The following IQCB1 variants were observed in gnomAD, a reference collection of about 807,000 sequenced individuals.
IQCB1 encodes IQ calmodulin-binding motif-containing protein 1.
Under a neutral mutation model 84.4 loss-of-function variants are expected in IQCB1, and 56 were observed. The ratio of observed to expected loss-of-function variants is 0.66; its 90% CI spans 0.54 to 0.83. The LOEUF (loss-of-function observed/expected upper bound fraction) is 0.83. IQCB1 is among the 40% of genes least tolerant of loss of function. IQCB1 has a pLI of 0.00. For missense variants in IQCB1, 629 were observed against 682.1 expected, an observed-to-expected ratio of 0.92 and a Z score of 0.87; for synonymous variants, 210 against 234.8, an observed-to-expected ratio of 0.89 and a Z score of 0.96.
chr3:121,788,193 C>T, intron 12 of IQCB1, 91 bp downstream of exon 12: 1 of 1,281,906 alleles, frequency 7.8e-7, no homozygotes, highest in South Asian at 1.2e-5. Context: ...GTGTCTTGAC[C>T]AAGGCTTTAC....
chr3:121,788,285 GCTCTTTGAAGTGTGACAGCTGCTTTA>G lies in IQCB1; in HGVS notation c.1251_1276del (p.Lys418SerfsTer3), dbSNP rs1302765001. 1 of 1,613,672 alleles carries G rather than the reference GCTCTTTGAAGTGTGACAGCTGCTTTA, an allele frequency of 6.2e-7. No individual in the cohort carries two copies. The highest frequency in any genetic ancestry group is 8.5e-7 in the Non-Finnish European group (1 of 1,179,852). The stretch of plus-strand genomic sequence containing the variant: ...CTCTTTTCACTACATTAGACTCACT[GCTCTTTGAAGTGTGACAGCTGCTTTA>G]TACTCTATGAGAGACTGCCTCTGTT... On this transcript the variant is annotated frameshift_variant and splice_region_variant, in exon 12 of 15. Coordinates refer to ENST00000310864, the MANE Select transcript of IQCB1 (RefSeq NM_001023570.4). LOFTEE classifies it high-confidence loss of function.
At chr3:121,826,015 A>G in intron 5 of IQCB1, 36 bp downstream of exon 5, 1 of 1,566,752 alleles carries the variant, frequency 6.4e-7, no homozygotes, top group Non-Finnish European at 8.8e-7. Context: ...TAAGAATTAA[A>G]CTGATTTAGC....
intron 12 of IQCB1, among the ~76,000 whole-genome samples, chr3:121,782,910 TG>T (rs1186544212): frequency 6.6e-6 from 1 of 152,120 alleles, no homozygotes; most frequent in Admixed American, 6.5e-5. Flanking sequence ...CTCTTGACCT[TG>T]TGATCTGCCC....
intron 8 of IQCB1, 131 bp downstream of exon 8, chr3:121,799,065 T>C: frequency 1.5e-6 from 1 of 645,436 alleles, no homozygotes; most frequent in South Asian, 1.9e-5. Flanking sequence ...TCTGAATTGG[T>C]ATCTGTTGTG....
intron 13 of IQCB1, 103 bp from the exon 14 acceptor site, chr3:121,772,816 A>G: frequency 2.0e-6 from 2 of 987,298 alleles, no homozygotes; most frequent in East Asian, 4.8e-5. Context: ...CTCTCATTTT[A>G]TCAATTGAAT....
chr3:121,791,160 A>G (rs981667579), intron 10 of IQCB1, among the ~76,000 whole-genome samples: 2 of 152,172 alleles, frequency 1.3e-5, no homozygotes, highest in African/African-American at 4.8e-5. Context: ...ACCGCTATAG[A>G]CTTAATTTGA....
At chr3:121,818,687 T>C (rs1206970389) in intron 5 of IQCB1, among the ~76,000 whole-genome samples, 1 of 152,116 alleles carries the variant, frequency 6.6e-6, no homozygotes, top group Non-Finnish European at 1.5e-5. Flanking sequence ...TGAACAGATT[T>C]TAAAAGAGAG....
At chr3:121,790,623 C>T (rs1948927859) in intron 10 of IQCB1, among the ~76,000 whole-genome samples, 1 of 152,096 alleles carries the variant, frequency 6.6e-6, no homozygotes, top group African/African-American at 2.4e-5. Context: ...CTGGTTCATT[C>T]ACCTGATGGG....
At chr3:121,788,560 C>G in intron 11 of IQCB1, 128 bp from the exon 12 acceptor site, 1 of 948,794 alleles carries the variant, frequency 1.1e-6, no homozygotes, top group South Asian at 1.5e-5. Context: ...CTAATTTTCC[C>G]AATTCTACTA....
chr3:121,798,897 T>C (rs1305971858), intron 8 of IQCB1, among the ~76,000 whole-genome samples: 1 of 151,904 alleles, frequency 6.6e-6, no homozygotes, highest in Non-Finnish European at 1.5e-5. Context: ...CTGATCTTTT[T>C]GGTCATTATT....
intron 12 of IQCB1, among the ~76,000 whole-genome samples, chr3:121,783,600 C>T (rs1158634095): frequency 6.6e-6 from 1 of 152,118 alleles, no homozygotes; most frequent in Non-Finnish European, 1.5e-5. Flanking sequence ...AAACTCTGCC[C>T]TAATTTTCTA....
Position 121,797,452 on chromosome 3 carries a change from TAAA to T in IQCB1, c.767-228_767-226del, listed in dbSNP as rs34526626. Reference sequence around the variant, plus strand: ...TTACGTGCTCAATTGTGGTATCTGATAAAAAAAAAAAAATCTGTCTAGACAATC... The same window carrying T: ...TTACGTGCTCAATTGTGGTATCTGATAAAAAAAAAATCTGTCTAGACAATC... On this transcript the variant is annotated intron_variant, in intron 8 of 14. Coordinates refer to ENST00000310864, the MANE Select transcript of IQCB1 (RefSeq NM_001023570.4). Among the ~76,000 whole-genome samples the T allele has an allele frequency of 0.44, 60,990 of 138,818 alleles. 13,698 individuals are homozygous for T. Among genetic ancestry groups the T allele is most frequent in the African/African-American group, 0.59 (22,257 of 38,008 alleles). The allele number at this position is 138,818 out of a possible 152,430, so 91.1% of individuals were successfully genotyped here.
At chr3:121,808,287 A>G (rs970050289) in intron 6 of IQCB1, among the ~76,000 whole-genome samples, 23 of 152,016 alleles carry the variant, frequency 1.5e-4, no homozygotes, top group African/African-American at 5.3e-4. Context: ...AGAAAAGCTT[A>G]AAGTAAAATT....
intron 12 of IQCB1, among the ~76,000 whole-genome samples, chr3:121,787,706 G>A (rs963003057): frequency 5.3e-5 from 8 of 150,424 alleles, no homozygotes; most frequent in African/African-American, 2.0e-4. Context: ...AGCCAAGATC[G>A]TGCCATTGCA....
chr3:121,786,168 CT>C (rs1948707614), intron 12 of IQCB1, among the ~76,000 whole-genome samples: 3 of 24,000 alleles, frequency 1.3e-4, no homozygotes, highest in Admixed American at 8.2e-4. Context: ...GAGATTCTGT[CT>C]CAAAAGAAAA....
rs750584360 is a variant in IQCB1, at chr3:121,770,461, G to C, written c.1681C>G (p.Gln561Glu). 12 of 1,614,082 alleles carry C rather than the reference G, an allele frequency of 7.4e-6. No individual in the cohort carries two copies. The highest frequency in any genetic ancestry group is 6.7e-5 in the Admixed American group (4 of 60,008). Reference protein sequence around the residue: ...QAHLTTLKHIQAPWWKKLGEE... With the variant: ...QAHLTTLKHIEAPWWKKLGEE... ...CCAAGCTTCTTCCACCAGGGTGCTT[G>C]TATGTGCTTCAGGGTTGTGAGATGG... Residue 561 changes from glutamine to glutamate, a missense_variant, in exon 15 of 15, where the codon CAA (glutamine) becomes GAA (glutamate). Coordinates refer to ENST00000310864, the MANE Select transcript of IQCB1 (RefSeq NM_001023570.4).
chr3:121,798,005 T>C (rs1196169019), intron 8 of IQCB1, among the ~76,000 whole-genome samples: 2 of 151,990 alleles, frequency 1.3e-5, no homozygotes, highest in African/African-American at 4.8e-5. Context: ...TTGTAAAATA[T>C]CTTCAGGAAT....
intron 5 of IQCB1, among the ~76,000 whole-genome samples, chr3:121,820,117 A>G (rs1950221674): frequency 6.6e-6 from 1 of 152,152 alleles, no homozygotes. Flanking sequence ...AATTAAATAA[A>G]ATTTTCAGTC....
chr3:121,829,265 C>T (rs1950555012), intron 2 of IQCB1, among the ~76,000 whole-genome samples: 1 of 152,158 alleles, frequency 6.6e-6, no homozygotes, highest in Non-Finnish European at 1.5e-5. Flanking sequence ...TCTCTCTAAT[C>T]TGCACAATAA....
Sources: allele counts gnomAD v4.1 joint callset (sites outside exome capture counted in the v4.1 genomes callset), GRCh38; gene constraint gnomAD v4.1.1; transcripts MANE v1.5; gene names NCBI Gene and HGNC (gene_info 2026-07-23, HGNC 2026-07-21).